Variants in KCNAB1 observed in about 807,000 individuals in gnomAD.
KCNAB1 encodes the protein potassium voltage-gated channel subfamily A regulatory beta subunit 1, also known as voltage-gated potassium channel subunit beta-1.
Under a neutral mutation model 64.6 loss-of-function variants are expected in KCNAB1, and 35 were observed. That is an observed-to-expected ratio of 0.54 (90% CI 0.41 to 0.72). The LOEUF (loss-of-function observed/expected upper bound fraction) is 0.72. Ranked by LOEUF, KCNAB1 falls within the 30% of genes least tolerant of loss-of-function variation. The pLI, the probability that KCNAB1 is intolerant of heterozygous loss-of-function variation, is 0.00. For missense variants in KCNAB1, 401 were observed against 512.9 expected, an observed-to-expected ratio of 0.78 and a Z score of 2.11; for synonymous variants, 177 against 183.8, an observed-to-expected ratio of 0.96 and a Z score of 0.30.
chr3:156,457,688 G>A (rs2293196), intron 4 of KCNAB1, among the ~76,000 whole-genome samples, 156 bp downstream of exon 4: 4,164 of 152,144 alleles, frequency 0.027, 148 homozygotes, highest in East Asian at 0.12. Flanking sequence ...TACTAGAATT[G>A]GGGATATTGA....
At chr3:156,177,801 C>T (rs913107515) in intron 1 of KCNAB1, among the ~76,000 whole-genome samples, 1 of 152,184 alleles carries the variant, frequency 6.6e-6, no homozygotes, top group African/African-American at 2.4e-5. Flanking sequence ...AGTGCAATGG[C>T]ATGATCTTGG....
At chr3:156,513,984 A>G (rs530735969) in intron 8 of KCNAB1, among the ~76,000 whole-genome samples, 4 of 152,288 alleles carry the variant, frequency 2.6e-5, no homozygotes, top group African/African-American at 9.6e-5. Context: ...AGTTGAAACA[A>G]ATGCCTTCTC....
intron 1 of KCNAB1, among the ~76,000 whole-genome samples, chr3:156,404,634 C>T (rs115898853): frequency 0.034 from 5,102 of 152,242 alleles, 143 homozygotes; most frequent in African/African-American, 0.074. Flanking sequence ...ATTTTATACA[C>T]GAAGACACCA....
At chr3:156,239,870 G>T (rs1310330558) in intron 1 of KCNAB1, among the ~76,000 whole-genome samples, 2 of 152,046 alleles carry the variant, frequency 1.3e-5, no homozygotes, top group African/African-American at 4.8e-5. Context: ...TCCCCTCACG[G>T]AGAGTATTTG....
At chr3:156,443,900 T>C (rs1353115508) in intron 2 of KCNAB1, among the ~76,000 whole-genome samples, 2 of 152,118 alleles carry the variant, frequency 1.3e-5, no homozygotes, top group Admixed American at 6.5e-5. Context: ...TCAAGCTCTT[T>C]TGTAAAAGGC....
chr3:156,215,484 A>G (rs1715262155), intron 1 of KCNAB1: 1 of 152,300 alleles, frequency 6.6e-6, no homozygotes, highest in South Asian at 2.1e-4. Flanking sequence ...GAGGTCAGGC[A>G]GAGGTTATGA....
Position 156,153,352 on chromosome 3 carries a change from A to G in KCNAB1, c.275+32466A>G, listed in dbSNP as rs1715528012. 2.0e-5 allele frequency among the ~76,000 whole-genome samples: 3 copies of G among 152,236 alleles called. No individual in the cohort carries two copies. The South Asian group carries it at 6.2e-4, about 32-fold the overall frequency. ...TAAGATGCTTTGAGGTGACCATATC[A>G]TGCTCATCATGGCATAGCCCACTGT... On this transcript the variant is annotated intron_variant, in intron 1 of 13. Transcript: ENST00000490337.
intron 1 of KCNAB1, among the ~76,000 whole-genome samples, chr3:156,155,435 C>T (rs548018301): frequency 2.6e-5 from 4 of 152,228 alleles, no homozygotes; most frequent in African/African-American, 9.6e-5. Flanking sequence ...TGGAGAAACA[C>T]AAAGCACAGA....
intron 10 of KCNAB1, 145 bp downstream of exon 10, chr3:156,515,365 A>T: frequency 1.4e-6 from 1 of 721,018 alleles, no homozygotes; most frequent in South Asian, 2.0e-5. Flanking sequence ...CATTCCAGAG[A>T]TTGTAGCAGA....
chr3:156,384,500 G>A lies in KCNAB1; in HGVS notation c.276-37116G>A, dbSNP rs151300507. 1.1e-4 allele frequency among the ~76,000 whole-genome samples: 17 copies of A among 152,302 alleles called. No homozygotes were observed. In the East Asian group the frequency reaches 1.5e-3, roughly 14 times the overall value. On this transcript the variant is annotated intron_variant, in intron 1 of 13. Transcript: ENST00000490337. ...AGAAACAACTTGCTCTTGGAGAAAT[G>A]TACCAAAGGAAAATGGAGTGCAAAA...
chr3:156,338,774 G>T (rs1723906363), intron 1 of KCNAB1, among the ~76,000 whole-genome samples: 1 of 152,120 alleles, frequency 6.6e-6, no homozygotes, highest in African/African-American at 2.4e-5. Context: ...GCAAACTCTG[G>T]CTAGCAGAGG....
At chr3:156,192,548 C>T (rs1713623815) in intron 1 of KCNAB1, among the ~76,000 whole-genome samples, 1 of 152,038 alleles carries the variant, frequency 6.6e-6, no homozygotes, top group Admixed American at 6.6e-5. Context: ...CTGCTGATTT[C>T]TATCTCTTTG....
chr3:156,486,268 A>G (rs1715207565), intron 8 of KCNAB1, among the ~76,000 whole-genome samples: 1 of 152,086 alleles, frequency 6.6e-6, no homozygotes, highest in African/African-American at 2.4e-5. Context: ...TCTTCTACAA[A>G]GAGAAGCTTT....
intron 8 of KCNAB1, among the ~76,000 whole-genome samples, chr3:156,479,367 T>G (rs1272867164): frequency 1.3e-5 from 2 of 152,142 alleles, no homozygotes; most frequent in African/African-American, 2.4e-5. Context: ...TGGACATGGA[T>G]GGACACAGAG....
chr3:156,490,091 G>A (rs1190757017), intron 8 of KCNAB1, among the ~76,000 whole-genome samples: 1 of 151,994 alleles, frequency 6.6e-6, no homozygotes, highest in African/African-American at 2.4e-5. Context: ...AGAGCAAGGT[G>A]GAGCCAGGCT....
intron 1 of KCNAB1, among the ~76,000 whole-genome samples, chr3:156,302,555 C>CAAAAA (rs1721225046): frequency 6.6e-6 from 1 of 152,156 alleles, no homozygotes; most frequent in Non-Finnish European, 1.5e-5. Context: ...TGGGGATTTT[C>CAAAAA]TCTGAGTAAG....
At chr3:156,502,896 G>C (rs1716544639) in intron 8 of KCNAB1, among the ~76,000 whole-genome samples, 1 of 152,128 alleles carries the variant, frequency 6.6e-6, no homozygotes, top group African/African-American at 2.4e-5. Context: ...GTTCACTTAG[G>C]TTTGTTTGTT....
At position 156,536,795 on chromosome 3, in the gene KCNAB1, G is replaced by T; in HGVS notation, c.*48G>T. ...CTGCATGGTTAAAATAGCGGCCTGT[G>T]CCCAGTACAGAAAGGTGTTACTAAC... On this transcript the variant is annotated 3_prime_UTR_variant, in exon 14 of 14. Transcript: ENST00000490337. 7.7e-7 allele frequency: 1 copy of T among 1,298,210 alleles called. No individual in the cohort carries two copies. The allele number at this position is 1,298,210 out of a possible 1,614,324, so 80.4% of individuals were successfully genotyped here.
chr3:156,408,549 G>A (rs1714415335), intron 1 of KCNAB1, among the ~76,000 whole-genome samples: 1 of 152,208 alleles, frequency 6.6e-6, no homozygotes, highest in Non-Finnish European at 1.5e-5. Flanking sequence ...GGAGGCCAAG[G>A]TGGGTGGATC....
Sources: allele counts gnomAD v4.1 joint callset (sites outside exome capture counted in the v4.1 genomes callset), GRCh38; gene constraint gnomAD v4.1.1; transcripts MANE v1.5; gene names NCBI Gene and HGNC (gene_info 2026-07-23, HGNC 2026-07-21).